The following KANK1 variants were observed in gnomAD, a reference collection of about 807,000 sequenced individuals.
The protein encoded by KANK1 is KN motif and ankyrin repeat domain-containing protein 1.
In KANK1, 109 loss-of-function variants were observed where a neutral mutation model predicts 106.2. The observed-to-expected ratio is 1.03, with a 90% CI of 0.88 to 1.20. The LOEUF (loss-of-function observed/expected upper bound fraction) is 1.20, where lower values mean the gene tolerates loss of function less well. KANK1 is among the 50% of genes most tolerant of loss of function. The pLI is 0.00. For synonymous variants in KANK1, 873 were observed against 652.2 expected (o/e 1.34, Z -5.16); for missense variants, 2,399 against 1,710.7 (o/e 1.40, Z -7.10).
At chr9:709,659 A>G (rs1400103717) in intron 2 of KANK1, among the ~76,000 whole-genome samples, 1 of 144,948 alleles carries the variant, frequency 6.9e-6, no homozygotes, top group Non-Finnish European at 1.5e-5. Context: ...TCTGTTGCCC[A>G]GGCTAGAATG....
Position 628,914 on chromosome 9 carries a change from A to G in KANK1, c.-83-47976A>G, listed in dbSNP as rs376110591. Among the ~76,000 whole-genome samples the G allele has an allele frequency of 1.7e-3, 250 of 146,408 alleles. 5 individuals carry two copies. Among genetic ancestry groups the G allele is most frequent in the African/African-American group, 6.4e-3 (239 of 37,388 alleles). The stretch of plus-strand genomic sequence containing the variant: ...GCCAACATGGCGAAACCCCATCTCT[A>G]CTAAAAATACAAAAAATTAGCTGGG... On this transcript the variant is annotated intron_variant, in intron 1 of 11. Coordinates refer to ENST00000382297, the MANE Select transcript of KANK1 (RefSeq NM_015158.5).
chr9:509,357 A>G (rs1209452488), intron 1 of KANK1, among the ~76,000 whole-genome samples: 1 of 152,158 alleles, frequency 6.6e-6, no homozygotes, highest in Non-Finnish European at 1.5e-5. Context: ...CGGCCTCCCA[A>G]AGTGCTGTGA....
intron 1 of KANK1, among the ~76,000 whole-genome samples, chr9:544,640 C>A (rs535814596): frequency 6.6e-6 from 1 of 152,020 alleles, no homozygotes; most frequent in East Asian, 1.9e-4. Flanking sequence ...GAAGTACGGG[C>A]TGTTATGGGC....
At chr9:593,539 C>G (rs1477246547) in intron 1 of KANK1, among the ~76,000 whole-genome samples, 1 of 149,508 alleles carries the variant, frequency 6.7e-6, no homozygotes, top group Non-Finnish European at 1.5e-5. Context: ...ACACCTGAAG[C>G]CTTTGTTTTT....
At chr9:560,362 A>C (rs1469720162) in intron 1 of KANK1, among the ~76,000 whole-genome samples, 1 of 152,138 alleles carries the variant, frequency 6.6e-6, no homozygotes, top group Non-Finnish European at 1.5e-5. Context: ...TTAACTGTTG[A>C]CTTTGTGCAA....
At chr9:513,171 T>C (rs2059111310) in intron 1 of KANK1, among the ~76,000 whole-genome samples, 1 of 152,250 alleles carries the variant, frequency 6.6e-6, no homozygotes, top group African/African-American at 2.4e-5. Flanking sequence ...TTATTTTTTC[T>C]CTTTGGCTTT....
chr9:682,832 C>T (rs568322101), intron 2 of KANK1, among the ~76,000 whole-genome samples: 1 of 152,250 alleles, frequency 6.6e-6, no homozygotes, highest in South Asian at 2.1e-4. Flanking sequence ...GTACAAAGGC[C>T]ACTGATAAGA....
chr9:486,740 A>G (rs1208366259), intron 3 of KANK1, among the ~76,000 whole-genome samples: 1 of 152,198 alleles, frequency 6.6e-6, no homozygotes, highest in South Asian at 2.1e-4. Flanking sequence ...ATTATAAAAA[A>G]ATAAAAAGCA....
intron 1 of KANK1, among the ~76,000 whole-genome samples, chr9:508,531 C>T (rs1254019041): frequency 6.6e-6 from 1 of 151,886 alleles, no homozygotes; most frequent in African/African-American, 2.4e-5. Flanking sequence ...AAAATATTGC[C>T]AGCATTGCAG....
chr9:476,524 A>T (rs570581975), intron 3 of KANK1: 2 of 152,182 alleles, frequency 1.3e-5, no homozygotes, highest in Non-Finnish European at 2.9e-5. Context: ...CTCCATCTCA[A>T]AAACAAAAAA....
intron 1 of KANK1, among the ~76,000 whole-genome samples, chr9:523,603 C>A (rs1240140664): frequency 6.6e-6 from 1 of 151,724 alleles, no homozygotes; most frequent in Non-Finnish European, 1.5e-5. Context: ...ATTCTGTAGC[C>A]TCTCCTGTGC....
chr9:568,564 G>A (rs1458162347), intron 1 of KANK1, among the ~76,000 whole-genome samples: 1 of 152,110 alleles, frequency 6.6e-6, no homozygotes, highest in Non-Finnish European at 1.5e-5. Flanking sequence ...GTCATGGCAT[G>A]CTTTAACCTC....
chr9:726,477 A>G (rs1564089132), intron 3 of KANK1, among the ~76,000 whole-genome samples: 1 of 152,080 alleles, frequency 6.6e-6, no homozygotes, highest in Non-Finnish European at 1.5e-5. Context: ...AGTCTCTACT[A>G]AAAATACAAA....
chr9:603,409 C>T (rs1411298042), intron 1 of KANK1, among the ~76,000 whole-genome samples: 1 of 151,706 alleles, frequency 6.6e-6, no homozygotes, highest in Non-Finnish European at 1.5e-5. Flanking sequence ...GATAACTCAG[C>T]CAGAAGAATT....
At chr9:611,006 G>C (rs1830427231) in intron 1 of KANK1, among the ~76,000 whole-genome samples, 1 of 152,184 alleles carries the variant, frequency 6.6e-6, no homozygotes, top group Non-Finnish European at 1.5e-5. Flanking sequence ...GTCTCTGACA[G>C]AAGGCATCTT....
At chr9:623,844 A>C (rs1017828430) in intron 1 of KANK1, among the ~76,000 whole-genome samples, 1 of 152,068 alleles carries the variant, frequency 6.6e-6, no homozygotes, top group East Asian at 1.9e-4. Flanking sequence ...TTTTGTAAAA[A>C]TCAACTATAT....
At chr9:561,588 C>T (rs747818678) in intron 1 of KANK1, among the ~76,000 whole-genome samples, 1 of 152,182 alleles carries the variant, frequency 6.6e-6, no homozygotes, top group East Asian at 1.9e-4. Context: ...TTACTTATGG[C>T]TTTTGAATAC....
intron 1 of KANK1, among the ~76,000 whole-genome samples, chr9:509,160 C>T (rs530155230): frequency 1.3e-5 from 2 of 152,160 alleles, no homozygotes; most frequent in African/African-American, 2.4e-5. Flanking sequence ...TGCAGTGGCG[C>T]GATCTTGACT....
chr9:567,531 C>G (rs2641977), intron 1 of KANK1, among the ~76,000 whole-genome samples: 109,652 of 152,214 alleles, frequency 0.72, 42,226 homozygotes, highest in Non-Finnish European at 0.87. Flanking sequence ...TCAGATATCT[C>G]TTACTGTCAC....
Sources: gnomAD v4.1 joint callset for allele counts (sites outside exome capture counted in the v4.1 genomes callset) on GRCh38, gnomAD v4.1.1 for gene constraint, MANE v1.5 for transcripts, NCBI Gene and HGNC (gene_info 2026-07-23, HGNC 2026-07-21) for gene names.